The following NUP155 variants were observed in gnomAD, a reference collection of about 807,000 sequenced individuals.
The protein encoded by NUP155 is nucleoporin 155.
In NUP155, 71 loss-of-function variants were observed where a neutral mutation model predicts 180.4. That is an observed-to-expected ratio of 0.39 (90% CI 0.33 to 0.48). NUP155 has a LOEUF of 0.48. NUP155 is among the 20% of genes least tolerant of loss of function. NUP155 has a pLI of 0.91. For synonymous variants in NUP155, 582 were observed against 559.5 expected (o/e 1.04, Z -0.57); for missense variants, 1,553 against 1,648.9 (o/e 0.94, Z 1.01).
chr5:37,337,007 G>A (rs1347740705), intron 12 of NUP155, among the ~76,000 whole-genome samples: 1 of 152,170 alleles, frequency 6.6e-6, no homozygotes, highest in Non-Finnish European at 1.5e-5. Context: ...GGTTTATCTG[G>A]TTTGATCAGC....
intron 18 of NUP155, chr5:37,327,346 G>C: frequency 2.5e-6 from 1 of 403,702 alleles, no homozygotes; most frequent in Non-Finnish European, 4.6e-6. Context: ...ACTACATGAA[G>C]GTTGAGGAAT....
intron 20 of NUP155, among the ~76,000 whole-genome samples, chr5:37,320,725 A>C (rs762271902): frequency 8.5e-5 from 13 of 152,252 alleles, no homozygotes; most frequent in Admixed American, 2.0e-4. Context: ...TGTAATGGTA[A>C]AATTCAATTA....
intron 30 of NUP155, 66 bp from the exon 31 acceptor site, chr5:37,299,634 C>T: frequency 2.7e-6 from 4 of 1,489,860 alleles, no homozygotes; most frequent in Non-Finnish European, 3.7e-6. Context: ...AATAGTGAAG[C>T]ACTCCTTGAA....
chr5:37,331,021 G>GT (rs888854577), intron 14 of NUP155, among the ~76,000 whole-genome samples: 3 of 151,768 alleles, frequency 2.0e-5, no homozygotes, highest in African/African-American at 7.3e-5. Context: ...TGGTGGGGGG[G>GT]TCCTGTAGTC....
Position 37,289,144 on chromosome 5 carries a change from T to G in NUP155, c.*2756A>C, listed in dbSNP as rs1742138025. The G allele has an allele frequency of 6.3e-6, 1 of 158,438 alleles. No individual in the cohort carries two copies. The highest frequency in any genetic ancestry group is 1.4e-5 in the Non-Finnish European group (1 of 73,390). 9.8% of individuals were successfully genotyped at this position (158,438 alleles called of 1,614,324 possible). A position where few individuals can be genotyped will look rare whatever the true frequency, so the allele number is the denominator to read the frequency against. On this transcript the variant is annotated 3_prime_UTR_variant, in exon 35 of 35. Transcript: ENST00000231498. The stretch of plus-strand genomic sequence containing the variant: ...TGGGCAACAAGAGCAAAACTCAGTC[T>G]CAAACAAACAAACAGACAATAGCAG...
chr5:37,317,105 C>T (rs1743936579), intron 21 of NUP155, among the ~76,000 whole-genome samples: 2 of 151,134 alleles, frequency 1.3e-5, no homozygotes, highest in Admixed American at 1.3e-4. Flanking sequence ...GGAGGTGGAG[C>T]TTGCAGTGAG....
At position 37,347,143 on chromosome 5, in the gene NUP155, G is replaced by A. The variant is rs148323946; in HGVS notation, c.995+1362C>T. Among the ~76,000 whole-genome samples, 8 of 152,142 alleles carry A rather than the reference G, an allele frequency of 5.3e-5. No homozygotes were observed. In the East Asian group the frequency reaches 1.2e-3, roughly 22 times the overall value. On this transcript the variant is annotated intron_variant, in intron 9 of 34. Coordinates refer to ENST00000231498, the MANE Select transcript of NUP155 (RefSeq NM_153485.3). ...CTCGGGAGGCTTAGGTGGGAGAATC[G>A]CTTAAGCCCAGGAGGTGGTGATTGC...
rs528496068 is a variant in NUP155, at chr5:37,341,995, C to A, written c.1093+554G>T. Among the ~76,000 whole-genome samples the A allele has an allele frequency of 2.6e-5, 4 of 152,312 alleles. No individual in the cohort carries two copies. In the East Asian group the frequency reaches 7.7e-4, roughly 29 times the overall value. On this transcript the variant is annotated intron_variant, in intron 10 of 34. Transcript: ENST00000231498. The stretch of plus-strand genomic sequence containing the variant: ...TTGTGTTCCAATTCAGGCTTTGTTA[C>A]AAAATGTCAGCCACTGCGCCTTTTA...
rs1056311157 is a variant in NUP155, at chr5:37,333,358, A to G, written c.1518+105T>C. On this transcript the variant is annotated intron_variant, in intron 13 of 34. Coordinates refer to ENST00000231498, the MANE Select transcript of NUP155 (RefSeq NM_153485.3). ...TGATGAGCGAGACTCCGTCTCAAAA[A>G]AAAAAGAAAGAAAATTATTCAATTA... The G allele has an allele frequency of 5.4e-6, 6 of 1,104,350 alleles. No homozygotes were observed. In the South Asian group the frequency reaches 7.6e-5, roughly 14 times the overall value. The allele number at this position is 1,104,350 out of a possible 1,614,324, so 68.4% of individuals were successfully genotyped here. A position where few individuals can be genotyped will look rare whatever the true frequency, so the allele number is the denominator to read the frequency against.
intron 29 of NUP155, among the ~76,000 whole-genome samples, chr5:37,301,766 T>C (rs1323628659): frequency 1.3e-5 from 2 of 152,196 alleles, no homozygotes; most frequent in Non-Finnish European, 2.9e-5. Context: ...TGCCCAATAC[T>C]TATACCTTCC....
intron 14 of NUP155, among the ~76,000 whole-genome samples, chr5:37,330,490 T>C (rs1029189884): frequency 2.6e-5 from 4 of 152,296 alleles, no homozygotes; most frequent in Non-Finnish European, 5.9e-5. Flanking sequence ...GAGTTTAGCA[T>C]ATATTAATCC....
At chr5:37,304,421 G>A (rs1743038492) in intron 27 of NUP155, among the ~76,000 whole-genome samples, 1 of 152,016 alleles carries the variant, frequency 6.6e-6, no homozygotes, top group Middle Eastern at 3.2e-3. Context: ...ACTTAGGGTA[G>A]GTAAAAGGAC....
chr5:37,296,149 C>T (rs1373816599), intron 32 of NUP155, among the ~76,000 whole-genome samples: 11 of 152,284 alleles, frequency 7.2e-5, no homozygotes, highest in South Asian at 2.1e-4. Flanking sequence ...AGCCCCTCTG[C>T]CCGGCCACCA....
intron 32 of NUP155, 147 bp downstream of exon 32, chr5:37,298,721 A>C (rs1742711043): frequency 6.2e-6 from 4 of 649,922 alleles, no homozygotes; most frequent in Non-Finnish European, 1.1e-5. Context: ...CATTCTTTGG[A>C]AGTCTTTCCG....
intron 32 of NUP155, among the ~76,000 whole-genome samples, chr5:37,296,179 C>A (rs1206208852): frequency 1.3e-5 from 2 of 152,172 alleles, no homozygotes; most frequent in African/African-American, 2.4e-5. Context: ...GGAGGTGTGC[C>A]CAACAGCTCA....
intron 23 of NUP155, among the ~76,000 whole-genome samples, chr5:37,310,117 T>A (rs1406939320): frequency 6.6e-6 from 1 of 152,060 alleles, no homozygotes; most frequent in African/African-American, 2.4e-5. Flanking sequence ...GGCAGGAGGA[T>A]CACTTGAAGC....
chr5:37,292,023 A>G lies in NUP155; in HGVS notation c.4053T>C (p.Asn1351=). ...AACCACAAACAGCATCCAGGCAGAGATTTGTAAATCTTCTCCTACAACGAA... is the reference window on the plus strand; with the variant it reads ...AACCACAAACAGCATCCAGGCAGAGGTTTGTAAATCTTCTCCTACAACGAA... ...VLNCERRRFT[N]LCLDAVCGYL... is the part of the protein sequence containing the mutation. The change falls in exon 35 of 35, where the codon AAT becomes AAC. Residue 1351 remains asparagine, a synonymous_variant. Transcript: ENST00000231498. 1 of 1,614,116 alleles carries G rather than the reference A, an allele frequency of 6.2e-7. No homozygotes were observed. The highest frequency in any genetic ancestry group is 8.5e-7 in the Non-Finnish European group (1 of 1,179,988).
chr5:37,298,805 C>T (rs1319468206), intron 32 of NUP155, 63 bp downstream of exon 32: 3 of 853,616 alleles, frequency 3.5e-6, no homozygotes, highest in Admixed American at 3.5e-5. Context: ...GTTATTTGTC[C>T]ATATCAACGG....
chr5:37,365,713 GAAAAAAAAAAAA>G (rs869240751), intron 1 of NUP155, among the ~76,000 whole-genome samples: 2 of 22,662 alleles, frequency 8.8e-5, no homozygotes, highest in African/African-American at 2.1e-4. Context: ...GTCTCGGGGA[GAAAAAAAAAAAA>G]AAAAAAAAAA....
Sources: gnomAD v4.1 joint callset for allele counts (sites outside exome capture counted in the v4.1 genomes callset) on GRCh38, gnomAD v4.1.1 for gene constraint, MANE v1.5 for transcripts, NCBI Gene and HGNC (gene_info 2026-07-23, HGNC 2026-07-21) for gene names.